TRIM67: variants seen among roughly 807,000 people sequenced by gnomAD.
The protein encoded by TRIM67 is tripartite motif-containing protein 67.
A neutral mutation model predicts 71.0 loss-of-function variants in TRIM67; 39 were observed. That is an observed-to-expected ratio of 0.55 (90% CI 0.43 to 0.72). The LOEUF (loss-of-function observed/expected upper bound fraction) is 0.72. Among genes scored for constraint, TRIM67 ranks in the 30% least tolerant of loss-of-function variants. TRIM67 has a pLI of 0.00. For missense variants in TRIM67, 973 were observed against 1,079.2 expected (o/e 0.90, Z 1.38); for synonymous variants, 481 against 473.9 (o/e 1.01, Z -0.19).
Position 231,200,150 on chromosome 1 carries a change from G to T in TRIM67, c.1266G>T (p.Met422Ile), listed in dbSNP as rs774006131. Residue 422 changes from methionine to isoleucine, a missense_variant and splice_region_variant, in exon 4 of 10, where the codon ATG becomes ATT. Coordinates refer to ENST00000366653, the MANE Select transcript of TRIM67 (RefSeq NM_001004342.5). The part of the protein sequence containing the change: ...VTKEREHKLK[M>I]VWDQINHCTL... ...TTAGAGGAGTCTTTCCATTGCAGAT[G>T]GTTTGGGACCAGATCAATCACTGCA... 6.2e-7 allele frequency: 1 copy of T among 1,612,576 alleles called. No individual in the cohort carries two copies.
chr1:231,168,080 G>A (rs550316414), intron 1 of TRIM67, among the ~76,000 whole-genome samples: 20 of 151,660 alleles, frequency 1.3e-4, no homozygotes, highest in African/African-American at 3.4e-4. Context: ...TCCCACCTCC[G>A]CCTCCCAAGT....
Position 231,199,127 on chromosome 1 carries a change from G to C in TRIM67, c.1221G>C (p.Lys407Asn), listed in dbSNP as rs1214587962. Residue 407 changes from lysine to asparagine, a missense_variant, in exon 3 of 10, where the codon AAG (lysine) becomes AAC (asparagine). Physicochemically the swap from Lys to Asn is moderately conservative, Grantham distance 94 (BLOSUM62 0). Coordinates refer to ENST00000366653, the MANE Select transcript of TRIM67 (RefSeq NM_001004342.5). The stretch of plus-strand genomic sequence containing the variant: ...ATGCTTTAACTCGTCAGAAAGCCAA[G>C]CTGCTCACCAAGGTGACTAAAGAGA... Reference protein sequence around the residue: ...LVDALTRQKAKLLTKVTKERE... With the variant: ...LVDALTRQKANLLTKVTKERE... 1.9e-6 allele frequency: 3 copies of C among 1,613,880 alleles called. No individual in the cohort carries two copies. Among genetic ancestry groups the C allele is most frequent in the Non-Finnish European group, 2.5e-6 (3 of 1,179,910 alleles).
At chr1:231,176,584 T>A (rs1682755134) in intron 1 of TRIM67, among the ~76,000 whole-genome samples, 1 of 152,100 alleles carries the variant, frequency 6.6e-6, no homozygotes, top group South Asian at 2.1e-4. Context: ...GCTGGTAGAG[T>A]GCCAGGGATT....
At position 231,163,149 on chromosome 1, in the gene TRIM67, C is replaced by T. The variant is rs1456509640; in HGVS notation, c.180C>T (p.Gly60=). 5 of 1,509,274 alleles carry T rather than the reference C, an allele frequency of 3.3e-6. No homozygotes were observed. Among genetic ancestry groups the T allele is most frequent in the Admixed American group, 4.1e-5 (2 of 48,624 alleles). 93.5% of individuals were successfully genotyped at this position (1,509,274 alleles called of 1,614,324 possible). The stretch of plus-strand genomic sequence containing the variant: ...CCCGGGGATCGGGGCTGCAGGCGGG[C>T]GCCGCCGCCGCTGCCTCTCTGGAGC... ...LLSRGSGLQA[G]AAAAASLEHD... Residue 60 remains glycine, a synonymous_variant, in exon 1 of 10, where the codon GGC becomes GGT. Coordinates refer to ENST00000366653, the MANE Select transcript of TRIM67 (RefSeq NM_001004342.5).
At chr1:231,181,602 C>A (rs1367340729) in intron 1 of TRIM67, among the ~76,000 whole-genome samples, 1 of 152,084 alleles carries the variant, frequency 6.6e-6, no homozygotes, top group African/African-American at 2.4e-5. Flanking sequence ...TTCCTTTGGT[C>A]ACAGAAAAAT....
intron 5 of TRIM67, among the ~76,000 whole-genome samples, chr1:231,202,164 G>GACA (rs372427024): frequency 5.1e-5 from 3 of 58,632 alleles, no homozygotes; most frequent in East Asian, 4.8e-4. Context: ...GGAGGAGGAG[G>GACA]TAGTGGAGGA....
intron 2 of TRIM67, among the ~76,000 whole-genome samples, chr1:231,197,681 C>T (rs534529261): frequency 5.3e-5 from 8 of 152,214 alleles, no homozygotes; most frequent in Non-Finnish European, 8.8e-5. Flanking sequence ...AAAAATTAGC[C>T]GGGCGTGGTG....
At chr1:231,200,437 C>G (rs1683488600) in intron 4 of TRIM67, among the ~76,000 whole-genome samples, 179 bp downstream of exon 4, 1 of 152,216 alleles carries the variant, frequency 6.6e-6, no homozygotes, top group Non-Finnish European at 1.5e-5. Context: ...TAGATGTGAC[C>G]TAATTTTGCA....
At chr1:231,197,191 G>A (rs188356959) in intron 1 of TRIM67, among the ~76,000 whole-genome samples, 180 bp from the exon 2 acceptor site, 18 of 152,298 alleles carry the variant, frequency 1.2e-4, no homozygotes, top group Non-Finnish European at 2.4e-4. Flanking sequence ...ACCACTGTTG[G>A]AAAAATAAAC....
intron 1 of TRIM67, among the ~76,000 whole-genome samples, chr1:231,194,620 A>G (rs1297167747): frequency 1.3e-5 from 2 of 152,204 alleles, no homozygotes; most frequent in African/African-American, 2.4e-5. Flanking sequence ...GCTACAGATG[A>G]CAACATACAG....
intron 1 of TRIM67, among the ~76,000 whole-genome samples, chr1:231,164,245 A>C (rs896903051): frequency 6.6e-6 from 1 of 152,238 alleles, no homozygotes; most frequent in Non-Finnish European, 1.5e-5. Context: ...ATGACTTATT[A>C]GGTCCCCACC....
chr1:231,193,503 G>GCTCGCT (rs1553325672), intron 1 of TRIM67, among the ~76,000 whole-genome samples: 1 of 81,996 alleles, frequency 1.2e-5, no homozygotes. Flanking sequence ...TCTCTCTCAA[G>GCTCGCT]CTCTCTCTCT....
intron 2 of TRIM67, among the ~76,000 whole-genome samples, chr1:231,198,834 G>A (rs1008605662): frequency 6.6e-6 from 1 of 152,102 alleles, no homozygotes; most frequent in Admixed American, 6.6e-5. Flanking sequence ...AACAAGATTT[G>A]AATGACTACA....
At chr1:231,192,299 C>T (rs967089241) in intron 1 of TRIM67, among the ~76,000 whole-genome samples, 3 of 152,150 alleles carry the variant, frequency 2.0e-5, no homozygotes, top group African/African-American at 7.2e-5. Context: ...ACTAGAGGCA[C>T]ATGCCACCAC....
intron 1 of TRIM67, 48 bp from the exon 2 acceptor site, chr1:231,197,323 T>C: frequency 6.4e-7 from 1 of 1,555,904 alleles, no homozygotes; most frequent in Non-Finnish European, 8.9e-7. Context: ...AAATTTTCTG[T>C]GCCTTTCACA....
chr1:231,189,360 A>G (rs1683172939), intron 1 of TRIM67, among the ~76,000 whole-genome samples: 1 of 152,144 alleles, frequency 6.6e-6, no homozygotes, highest in Non-Finnish European at 1.5e-5. Context: ...AGCTTTGCAA[A>G]TGTGATAAAT....
In TRIM67 at chr1:231,216,885, C is replaced by T; in HGVS notation, c.*1445C>T. The T allele has an allele frequency of 1.0e-6, 1 of 985,576 alleles. No homozygotes were observed. The allele number at this position is 985,576 out of a possible 1,614,324, so 61.1% of individuals were successfully genotyped here. ...CTCTCATCTTCCCAGTCACCTGCCA[C>T]CTCCAGCTCCACCTGGTAGTAACAT... On this transcript the variant is annotated 3_prime_UTR_variant, in exon 10 of 10. Coordinates refer to ENST00000366653, the MANE Select transcript of TRIM67 (RefSeq NM_001004342.5).
intron 1 of TRIM67, among the ~76,000 whole-genome samples, chr1:231,181,172 GC>G (rs902548337): frequency 6.6e-6 from 1 of 152,102 alleles, no homozygotes; most frequent in African/African-American, 2.4e-5. Flanking sequence ...TACCACGTTG[GC>G]CAGGATGGTC....
At chr1:231,200,461 G>T (rs1409301628) in intron 4 of TRIM67, among the ~76,000 whole-genome samples, 1 of 152,220 alleles carries the variant, frequency 6.6e-6, no homozygotes, top group African/African-American at 2.4e-5. Context: ...TGCATGAAAC[G>T]AGGAGGTGAA....
Sources: allele counts gnomAD v4.1 joint callset (sites outside exome capture counted in the v4.1 genomes callset), GRCh38; gene constraint gnomAD v4.1.1; transcripts MANE v1.5; gene names NCBI Gene and HGNC (gene_info 2026-07-23, HGNC 2026-07-21).